Variants in RUSC2 observed in about 807,000 individuals in gnomAD.
RUSC2 encodes the protein RUN and SH3 domain containing 2.
Under a neutral mutation model 122.2 loss-of-function variants are expected in RUSC2, and 34 were observed. That is an observed-to-expected ratio of 0.28 (90% confidence interval 0.21 to 0.37). The LOEUF is 0.37. RUSC2 is among the 10% of genes least tolerant of loss of function. The pLI is 1.00. For missense variants in RUSC2, 1,747 were observed against 1,952.4 expected (o/e 0.89, Z 1.98); for synonymous variants, 784 against 790.0 (o/e 0.99, Z 0.13).
At chr9:35,535,534 C>CTTTTTT (rs1174623935) in intron 1 of RUSC2, among the ~76,000 whole-genome samples, 3 of 130,092 alleles carry the variant, frequency 2.3e-5, no homozygotes, top group African/African-American at 2.8e-5. Flanking sequence ...AGGAGCTTCT[C>CTTTTTT]TTTTTTTTTT....
chr9:35,494,894 T>C (rs1587831338), intron 1 of RUSC2, among the ~76,000 whole-genome samples: 1 of 138,638 alleles, frequency 7.2e-6, no homozygotes. Flanking sequence ...TGTTTTCTTG[T>C]TTTTTATATA....
chr9:35,528,342 C>A (rs1204237097), intron 1 of RUSC2, among the ~76,000 whole-genome samples: 1 of 151,810 alleles, frequency 6.6e-6, no homozygotes, highest in African/African-American at 2.4e-5. Context: ...TATGATTGGG[C>A]CACTGCACTC....
chr9:35,491,122 A>G (rs544300068), intron 1 of RUSC2, among the ~76,000 whole-genome samples: 1 of 150,966 alleles, frequency 6.6e-6, no homozygotes, highest in East Asian at 1.9e-4. Context: ...GGCGGAATTT[A>G]CAAAGGACAA....
At chr9:35,551,068 CA>C (rs1015237547) in intron 2 of RUSC2, among the ~76,000 whole-genome samples, 1 of 146,916 alleles carries the variant, frequency 6.8e-6, no homozygotes, top group Non-Finnish European at 1.5e-5. Flanking sequence ...GAGTCCGTCT[CA>C]AAAAAAAAGA....
intron 1 of RUSC2, among the ~76,000 whole-genome samples, chr9:35,542,884 A>T (rs1274761581): frequency 6.6e-6 from 1 of 152,186 alleles, no homozygotes; most frequent in Non-Finnish European, 1.5e-5. Flanking sequence ...ATGTCCTGGT[A>T]ATGGTTTTGT....
Position 35,546,286 on chromosome 9 carries a change from T to G in RUSC2, c.-92-144T>G. 2.8e-6 allele frequency: 1 copy of G among 354,880 alleles called. No homozygotes were observed. 22.0% of individuals were successfully genotyped at this position (354,880 alleles called of 1,614,324 possible). A position where few individuals can be genotyped will look rare whatever the true frequency, so the allele number is the denominator to read the frequency against. On this transcript the variant is annotated intron_variant, in intron 1 of 11. Transcript: ENST00000361226. This position sits in a 1 kb window ranked among gnomAD's most constrained non-coding sequence, Gnocchi z 4.3. ...GCATGGTTACGTCCCCACCTGCCTATTGGGCTGTGTGGTCAAGCTCCATCT... is the reference window on the plus strand; with the variant it reads ...GCATGGTTACGTCCCCACCTGCCTAGTGGGCTGTGTGGTCAAGCTCCATCT...
intron 1 of RUSC2, among the ~76,000 whole-genome samples, chr9:35,517,082 A>G (rs1019354388): frequency 6.6e-6 from 1 of 152,196 alleles, no homozygotes; most frequent in Admixed American, 6.5e-5. Flanking sequence ...TGGCAGTACT[A>G]TATGGCCCAC....
In RUSC2 at chr9:35,558,878, C is replaced by T. The variant is rs1204400595; in HGVS notation, c.3341+311C>T. The stretch of plus-strand genomic sequence containing the variant: ...ATTCCAGCACTACTTCCAAATCCTG[C>T]TTGACCCTAAGTCCACCTTGGGACC... On this transcript the variant is annotated intron_variant, in intron 8 of 11. Transcript: ENST00000361226. The surrounding 1 kb of genome is among the most constrained non-coding windows in gnomAD (Gnocchi z 4.3). Among the ~76,000 whole-genome samples the T allele has an allele frequency of 6.6e-6, 1 of 152,244 alleles. No homozygotes were observed. Among genetic ancestry groups the T allele is most frequent in the Admixed American group, 6.5e-5 (1 of 15,284 alleles).
At chr9:35,499,184 G>A (rs895986814) in intron 1 of RUSC2, among the ~76,000 whole-genome samples, 4 of 152,074 alleles carry the variant, frequency 2.6e-5, no homozygotes, top group Non-Finnish European at 2.9e-5. Context: ...CTACTTGGGA[G>A]GCTGAGGCAC....
In RUSC2 at chr9:35,547,428, C is replaced by T; in HGVS notation, c.907C>T (p.Pro303Ser). The T allele has an allele frequency of 6.2e-7, 1 of 1,614,196 alleles. No homozygotes were observed. The highest frequency in any genetic ancestry group is 8.5e-7 in the Non-Finnish European group (1 of 1,180,006). ...CCCCCGTGCCAATCTCAACTCTGCC[C>T]CACAGTCCTGCAGCGACTCTTCCTT... ...GTPRANLNSAPQSCSDSSFCS... is the reference protein window; with the variant it reads ...GTPRANLNSASQSCSDSSFCS... Residue 303 changes from proline to serine, a missense_variant, in exon 2 of 12, where the codon CCA becomes TCA. Transcript: ENST00000361226. The surrounding 1 kb of genome is among the most constrained non-coding windows in gnomAD (Gnocchi z 4.6).
At chr9:35,523,010 T>C (rs1389197450) in intron 1 of RUSC2, among the ~76,000 whole-genome samples, 1 of 152,240 alleles carries the variant, frequency 6.6e-6, no homozygotes, top group Non-Finnish European at 1.5e-5. Flanking sequence ...TAAAATCATA[T>C]AGTCCTGTCT....
intron 1 of RUSC2, among the ~76,000 whole-genome samples, chr9:35,514,951 CA>C (rs1821075364): frequency 6.6e-6 from 1 of 152,124 alleles, no homozygotes; most frequent in Non-Finnish European, 1.5e-5. Context: ...ATAACTCGGT[CA>C]AATGGCCACC....
At position 35,546,733 on chromosome 9, in the gene RUSC2, A is replaced by C; in HGVS notation, c.212A>C (p.His71Pro). The change falls in exon 2 of 12, where the codon CAC (histidine) becomes CCC (proline). Residue 71 changes from histidine to proline, a missense_variant. Transcript: ENST00000361226. This position sits in a 1 kb window ranked among gnomAD's most constrained non-coding sequence, Gnocchi z 4.3. ...QADSLLFSSL[H>P]STPGGTARSI... ...GACTCCCTGCTATTCAGCAGCCTGCACTCTACTCCAGGAGGAACTGCACGG... is the reference window on the plus strand; with the variant it reads ...GACTCCCTGCTATTCAGCAGCCTGCCCTCTACTCCAGGAGGAACTGCACGG... 6.4e-7 allele frequency: 1 copy of C among 1,574,088 alleles called. No individual in the cohort carries two copies. Among genetic ancestry groups the C allele is most frequent in the Non-Finnish European group, 8.6e-7 (1 of 1,160,776 alleles).
At chr9:35,536,652 A>G (rs944451392) in intron 1 of RUSC2, among the ~76,000 whole-genome samples, 5 of 152,064 alleles carry the variant, frequency 3.3e-5, no homozygotes, top group Admixed American at 1.3e-4. Flanking sequence ...GTCTCTTCTA[A>G]AAGTAAAAAA....
chr9:35,553,701 G>A (rs930968475), intron 2 of RUSC2, among the ~76,000 whole-genome samples: 4 of 152,244 alleles, frequency 2.6e-5, no homozygotes, highest in African/African-American at 9.6e-5. Context: ...GGACGGGGAA[G>A]TGTGGCTGGA....
Position 35,561,319 on chromosome 9 carries a change from G to GC in RUSC2, c.4492dup (p.Leu1498ProfsTer33). 6.2e-7 allele frequency: 1 copy of GC among 1,614,130 alleles called. No homozygotes were observed. The highest frequency in any genetic ancestry group is 8.5e-7 in the Non-Finnish European group (1 of 1,180,012). Reference sequence around the variant, plus strand: ...GCCGTGGCCCCGACTCTGGCCTGGTGCCCCTGGCCTACGTGACATTGACCC... The same window carrying GC: ...GCCGTGGCCCCGACTCTGGCCTGGTGCCCCCTGGCCTACGTGACATTGACCC... On this transcript the variant is annotated frameshift_variant, in exon 12 of 12. Transcript: ENST00000361226. LOFTEE classifies it high-confidence loss of function.
At position 35,555,155 on chromosome 9, in the gene RUSC2, C is replaced by A; in HGVS notation, c.2110C>A (p.Pro704Thr). 1 of 1,613,892 alleles carries A rather than the reference C, an allele frequency of 6.2e-7. No homozygotes were observed. Among genetic ancestry groups the A allele is most frequent in the African/African-American group, 1.3e-5 (1 of 75,048 alleles). Reference protein sequence around the residue: ...IQPFVFQHHFPKQLAKARALH... With the variant: ...IQPFVFQHHFTKQLAKARALH... The stretch of plus-strand genomic sequence containing the variant: ...GCCCTTCGTGTTCCAGCACCACTTC[C>A]CCAAGCAGCTGGCCAAGGCCCGGGC... Residue 704 changes from proline to threonine, a missense_variant, in exon 3 of 12, where the codon CCC becomes ACC. By Grantham distance (38) the Pro-to-Thr change is conservative (BLOSUM62 -1). Transcript: ENST00000361226. This position sits in a 1 kb window ranked among gnomAD's most constrained non-coding sequence, Gnocchi z 4.6.
At chr9:35,498,494 A>G (rs1021722030) in intron 1 of RUSC2, among the ~76,000 whole-genome samples, 3 of 149,966 alleles carry the variant, frequency 2.0e-5, no homozygotes, top group African/African-American at 4.9e-5. Context: ...AGCCAAGATC[A>G]TGCCACTGAG....
Position 35,547,196 on chromosome 9 carries a change from T to C in RUSC2, c.675T>C (p.Phe225=), listed in dbSNP as rs774449065. 32 of 1,614,034 alleles carry C rather than the reference T, an allele frequency of 2.0e-5. No individual in the cohort carries two copies. The African/African-American group carries it at 3.9e-4, about 20-fold the overall frequency. ...CCAGCGATACCTCTGGCTTTTCCTT[T>C]GACCAGGAATGGAAGCTCAGTTCAG... ...GGASDTSGFS[F]DQEWKLSSDE... is the part of the protein sequence containing the mutation. The change falls in exon 2 of 12, where the codon TTT becomes TTC. Residue 225 remains phenylalanine (F), a synonymous_variant. Coordinates refer to ENST00000361226, the MANE Select transcript of RUSC2 (RefSeq NM_014806.5). The surrounding 1 kb of genome is among the most constrained non-coding windows in gnomAD (Gnocchi z 4.6).
Sources: gnomAD v4.1 joint callset for allele counts (sites outside exome capture counted in the v4.1 genomes callset) on GRCh38, gnomAD v4.1.1 for gene constraint, Gnocchi (gnomAD v3.1) non-coding constraint, MANE v1.5 for transcripts, NCBI Gene and HGNC (gene_info 2026-07-23, HGNC 2026-07-21) for gene names.